NSG2: variants seen among roughly 807,000 people sequenced by gnomAD.
NSG2 encodes neuronal vesicle trafficking-associated protein 2.
Under a neutral mutation model 16.9 loss-of-function variants are expected in NSG2, and 4 were observed. The observed-to-expected ratio is 0.24, with a 90% CI of 0.12 to 0.54. The LOEUF is 0.54. Ranked by LOEUF, NSG2 falls within the 20% of genes least tolerant of loss-of-function variation. The pLI is 0.95. For synonymous variants in NSG2, 98 were observed against 88.7 expected, an observed-to-expected ratio of 1.11 and a Z score of -0.59; for missense variants, 179 against 221.1, an observed-to-expected ratio of 0.81 and a Z score of 1.21.
chr5:174,101,852 T>G (rs1409608988), intron 3 of NSG2, among the ~76,000 whole-genome samples: 4 of 152,302 alleles, frequency 2.6e-5, no homozygotes, highest in African/African-American at 9.6e-5. Context: ...TCCTGTACTA[T>G]TCAAATAGGA....
rs1282569199 is a variant in NSG2 at position 174,107,535 on chromosome 5, G to A, written c.*30G>A. On this transcript the variant is annotated 3_prime_UTR_variant, in exon 5 of 5. Coordinates refer to ENST00000303177, the MANE Select transcript of NSG2 (RefSeq NM_015980.5). The surrounding 1 kb of genome is among the most constrained non-coding windows in gnomAD (Gnocchi z 4.5). ...CTGCCCCAGCCAGAATGGGGGGCGG[G>A]GTGGAGAGGAGGACCCCCATTGGCT... The A allele has an allele frequency of 6.3e-7, 1 of 1,587,864 alleles. No individual in the cohort carries two copies. Among genetic ancestry groups the A allele is most frequent in the Non-Finnish European group, 8.6e-7 (1 of 1,163,338 alleles).
intron 3 of NSG2, among the ~76,000 whole-genome samples, chr5:174,082,866 A>G (rs988763464): frequency 2.6e-5 from 4 of 152,068 alleles, no homozygotes; most frequent in Non-Finnish European, 5.9e-5. Flanking sequence ...CTTCCAGTCA[A>G]TTTCCATCCA....
At chr5:174,086,523 A>G (rs893165873) in intron 3 of NSG2, 11 of 152,318 alleles carry the variant, frequency 7.2e-5, no homozygotes, top group African/African-American at 2.6e-4. Context: ...CGAGCATGCC[A>G]CAGCAGCCTT....
chr5:174,099,817 A>G (rs1372819823), intron 3 of NSG2, among the ~76,000 whole-genome samples: 1 of 151,540 alleles, frequency 6.6e-6, no homozygotes, highest in Non-Finnish European at 1.5e-5. Context: ...GACGTCCCTG[A>G]TGCCCCCGCC....
At chr5:174,053,882 G>A (rs1200365631) in intron 2 of NSG2, among the ~76,000 whole-genome samples, 1 of 152,186 alleles carries the variant, frequency 6.6e-6, no homozygotes, top group African/African-American at 2.4e-5. Context: ...TTTTCAGAGG[G>A]TATTTTGACA....
chr5:174,068,897 A>G (rs28447426), intron 3 of NSG2, among the ~76,000 whole-genome samples: 13 of 126,670 alleles, frequency 1.0e-4, no homozygotes, highest in Middle Eastern at 5.3e-3. Context: ...TCCTGGTGCT[A>G]TGGAAGGTGC....
intron 3 of NSG2, among the ~76,000 whole-genome samples, chr5:174,064,759 G>T (rs1190138689): frequency 6.6e-6 from 1 of 152,158 alleles, no homozygotes; most frequent in African/African-American, 2.4e-5. Context: ...CCTATTTCTT[G>T]GTGGAGGGGC....
chr5:174,067,342 CCT>C (rs140726771), intron 3 of NSG2, among the ~76,000 whole-genome samples: 21,345 of 152,246 alleles, frequency 0.14, 2,086 homozygotes, highest in African/African-American at 0.27. Context: ...GGCCTGGCGG[CCT>C]CTCTGCTCAG....
intron 3 of NSG2, among the ~76,000 whole-genome samples, chr5:174,079,736 T>C (rs1454687645): frequency 1.3e-5 from 2 of 152,234 alleles, no homozygotes; most frequent in East Asian, 3.8e-4. Flanking sequence ...TGTTATTTCC[T>C]CAGTCGTCCT....
chr5:174,077,144 T>G (rs146023223), intron 3 of NSG2, among the ~76,000 whole-genome samples: 7 of 152,344 alleles, frequency 4.6e-5, no homozygotes, highest in Non-Finnish European at 1.0e-4. Context: ...CCCAATATGA[T>G]TGTTTTGTGC....
intron 3 of NSG2, among the ~76,000 whole-genome samples, chr5:174,102,811 C>G (rs796304659): frequency 1.3e-5 from 2 of 151,544 alleles, no homozygotes; most frequent in African/African-American, 4.8e-5. Flanking sequence ...TGGAGTCTCA[C>G]TCTGTCACCC....
At chr5:174,086,459 C>T (rs543172652) in intron 3 of NSG2, 1 of 152,334 alleles carries the variant, frequency 6.6e-6, no homozygotes, top group East Asian at 1.9e-4. Context: ...CAACGATTGT[C>T]TGGAGCTGTG....
rs184928486 is a variant in NSG2, at chr5:174,069,897, A to C, written c.213+5582A>C. Among the ~76,000 whole-genome samples the C allele has an allele frequency of 7.0e-3, 721 of 102,380 alleles. 4 individuals are homozygous for C. The highest frequency in any genetic ancestry group is 0.031 in the African/African-American group (689 of 22,420). 67.2% of individuals were successfully genotyped at this position (102,380 alleles called of 152,430 possible). ...CCATTTTTTTTTTTTTTTTTTTTTGAGACAAGGTCTTACTTTGTCACCAAG... is the reference window on the plus strand; with the variant it reads ...CCATTTTTTTTTTTTTTTTTTTTTGCGACAAGGTCTTACTTTGTCACCAAG... On this transcript the variant is annotated intron_variant, in intron 3 of 4. Transcript: ENST00000303177.
At chr5:174,067,727 A>T (rs1323502102) in intron 3 of NSG2, among the ~76,000 whole-genome samples, 1 of 152,094 alleles carries the variant, frequency 6.6e-6, no homozygotes, top group African/African-American at 2.4e-5. Flanking sequence ...GCTAGGGAGG[A>T]GGCGTGGAGG....
chr5:174,093,651 G>A (rs139536207), intron 3 of NSG2, among the ~76,000 whole-genome samples: 24 of 152,300 alleles, frequency 1.6e-4, no homozygotes, highest in African/African-American at 4.8e-4. Context: ...ACAAGGTGCC[G>A]GGAGGCCTAA....
intron 2 of NSG2, among the ~76,000 whole-genome samples, chr5:174,057,890 G>A (rs1252874544): frequency 6.6e-6 from 1 of 152,168 alleles, no homozygotes; most frequent in African/African-American, 2.4e-5. Context: ...CCCTGGGTTT[G>A]GAAACAAGGA....
chr5:174,068,933 A>C (rs28458254), intron 3 of NSG2, among the ~76,000 whole-genome samples: 1 of 139,304 alleles, frequency 7.2e-6, no homozygotes, highest in Non-Finnish European at 1.5e-5. Context: ...TGCTGGTGTC[A>C]TGGGGATCCT....
chr5:174,077,202 A>AT (rs199934046), intron 3 of NSG2, among the ~76,000 whole-genome samples: 1,759 of 152,018 alleles, frequency 0.012, 20 homozygotes, highest in Middle Eastern at 0.037. Context: ...AAATAGCTTT[A>AT]TTTTTTTTGT....
At position 174,064,272 on chromosome 5, in the gene NSG2, A is replaced by T; in HGVS notation, c.170A>T (p.Lys57Met). The T allele has an allele frequency of 6.2e-7, 1 of 1,612,390 alleles. No individual in the cohort carries two copies. Reference protein sequence around the residue: ...KTRTEYQPEQKNKGKFRVPKI... With the variant: ...KTRTEYQPEQMNKGKFRVPKI... ...AGAACGGAATATCAGCCGGAACAGA[A>T]GAACAAAGGGAAGTTCCGGGTGCCG... The change falls in exon 3 of 5, where the codon AAG (lysine) becomes ATG (methionine). Residue 57 changes from lysine (K) to methionine (M), a missense_variant. Physicochemically the swap from Lys to Met is moderately conservative, Grantham distance 95. Transcript: ENST00000303177.
Sources: gnomAD v4.1 joint callset for allele counts (sites outside exome capture counted in the v4.1 genomes callset) on GRCh38, gnomAD v4.1.1 for gene constraint, Gnocchi (gnomAD v3.1) non-coding constraint, MANE v1.5 for transcripts, NCBI Gene and HGNC (gene_info 2026-07-23, HGNC 2026-07-21) for gene names.